Variants in OLFM1 observed in about 807,000 individuals in gnomAD.
OLFM1 encodes noelin.
In OLFM1, 9 loss-of-function variants were observed where a neutral mutation model predicts 49.7. That is an observed-to-expected ratio of 0.18 (90% CI 0.11 to 0.32). The LOEUF (loss-of-function observed/expected upper bound fraction) is 0.32, where lower values mean the gene tolerates loss of function less well. Ranked by LOEUF, OLFM1 falls within the 10% of genes least tolerant of loss-of-function variation. OLFM1 has a pLI of 1.00. For missense variants in OLFM1, 369 were observed against 661.8 expected (o/e 0.56, Z 4.85); for synonymous variants, 240 against 271.8 (o/e 0.88, Z 1.15).
chr9:135,086,433 C>T (rs1311458050), upstream of OLFM1: 4 of 364,656 alleles, frequency 1.1e-5, no homozygotes, highest in Admixed American at 1.1e-4. Flanking sequence ...AGAGAAAAGC[C>T]CCAGGAAGGC....
intron 4 of OLFM1, among the ~76,000 whole-genome samples, chr9:135,105,021 C>CT (rs1475315975): frequency 6.6e-6 from 1 of 152,060 alleles, no homozygotes; most frequent in Non-Finnish European, 1.5e-5. Flanking sequence ...TCTTCTGCTG[C>CT]TTCTCCTCCC....
At chr9:135,077,712 G>T (rs1023415750) in intron 1 of OLFM1, among the ~76,000 whole-genome samples, 4 of 152,220 alleles carry the variant, frequency 2.6e-5, no homozygotes, top group Non-Finnish European at 4.4e-5. Flanking sequence ...TGTCTCAGGG[G>T]AATGTGTCCC....
chr9:135,079,038 C>T (rs1277589572), intron 1 of OLFM1, among the ~76,000 whole-genome samples: 2 of 152,196 alleles, frequency 1.3e-5, no homozygotes, highest in Non-Finnish European at 2.9e-5. Context: ...ACAAGCATTT[C>T]CTGGGTACCA....
chr9:135,087,246 T>C, upstream of OLFM1: 1 of 1,425,622 alleles, frequency 7.0e-7, no homozygotes, highest in Middle Eastern at 2.6e-4. Context: ...CGGCCCAGGC[T>C]GGCTGGGACC....
rs544907602 is a variant in OLFM1, at chr9:135,119,959, C to T, written c.1239C>T (p.Tyr413=). The T allele has an allele frequency of 1.4e-5, 23 of 1,613,668 alleles. 1 individual carries two copies. The highest frequency in any genetic ancestry group is 1.6e-4 in the Middle Eastern group (1 of 6,062). ...GEAFIICGTL[Y]VTNGYSGGTK... ...CCTTCATCATCTGCGGCACGCTGTACGTCACCAACGGCTACTCAGGGGGTA... is the reference window on the plus strand; with the variant it reads ...CCTTCATCATCTGCGGCACGCTGTATGTCACCAACGGCTACTCAGGGGGTA... Residue 413 remains tyrosine (Y), a synonymous_variant, in exon 6 of 6, where the codon TAC becomes TAT. Transcript: ENST00000371793.
At chr9:135,084,435 T>C (rs34318507), upstream of OLFM1, among the ~76,000 whole-genome samples, 1 of 71,686 alleles carries the variant, frequency 1.4e-5, no homozygotes. The surrounding 1 kb of genome is among the most constrained non-coding windows in gnomAD (Gnocchi z 4.6). Flanking sequence ...CTCCTCTCTG[T>C]CTCTATTATC....
At position 135,077,150 on chromosome 9, in the gene OLFM1, GCA is replaced by G. The variant is rs147807021; in HGVS notation, c.96+1365_96+1366del. On this transcript the variant is annotated intron_variant, in intron 1 of 5. Transcript: ENST00000252854. ...GCTGGACAGATGCATTCATTCATGT[GCA>G]CACACACACACACACATGCACACAC... is the stretch of plus-strand genomic sequence containing the variant. 2,283 of 1,390,134 alleles carry G rather than the reference GCA, an allele frequency of 1.6e-3. No individual in the cohort carries two copies. Among genetic ancestry groups the G allele is most frequent in the South Asian group, 6.7e-3 (478 of 71,774 alleles). The allele number at this position is 1,390,134 out of a possible 1,614,324, so 86.1% of individuals were successfully genotyped here. A position where few individuals can be genotyped will look rare whatever the true frequency, so the allele number is the denominator to read the frequency against.
chr9:135,118,133 C>T (rs916280253), intron 5 of OLFM1, among the ~76,000 whole-genome samples: 4 of 152,194 alleles, frequency 2.6e-5, no homozygotes, highest in African/African-American at 4.8e-5. Flanking sequence ...AATTCCAAGT[C>T]GGGGAACAGC....
chr9:135,109,698 G>A (rs1830995629), intron 5 of OLFM1, among the ~76,000 whole-genome samples: 3 of 151,976 alleles, frequency 2.0e-5, no homozygotes. Context: ...ACACACACAG[G>A]AGCCCAATAA....
chr9:135,112,358 ATGTTC>A (rs1357390600), intron 5 of OLFM1, among the ~76,000 whole-genome samples: 1 of 141,664 alleles, frequency 7.1e-6, no homozygotes, highest in African/African-American at 2.7e-5. Context: ...TGTTCCCAGA[ATGTTC>A]TCTCTGGTCT....
At chr9:135,100,595 A>G (rs1285244110) in intron 4 of OLFM1, among the ~76,000 whole-genome samples, 1 of 152,208 alleles carries the variant, frequency 6.6e-6, no homozygotes, top group Non-Finnish European at 1.5e-5. Flanking sequence ...GCCCGTAGCC[A>G]GCACCCAGCT....
chr9:135,096,056 TC>T lies in OLFM1; in HGVS notation c.456+39del, dbSNP rs368557260. 13 of 769,872 alleles carry T rather than the reference TC, an allele frequency of 1.7e-5. No individual in the cohort carries two copies. The African/African-American group carries it at 5.0e-4, about 29-fold the overall frequency. 47.7% of individuals were successfully genotyped at this position (769,872 alleles called of 1,614,324 possible). A position where few individuals can be genotyped will look rare whatever the true frequency, so the allele number is the denominator to read the frequency against. ...CCTCCCCCTCTCCCTCCCCTTATCCTCCTCCTCCTCCTCTTCCTCCTCCTTC... is the reference window on the plus strand; with the variant it reads ...CCTCCCCCTCTCCCTCCCCTTATCCTCTCCTCCTCCTCTTCCTCCTCCTTC... On this transcript the variant is annotated intron_variant, in intron 3 of 5. Coordinates refer to ENST00000371793, the MANE Select transcript of OLFM1 (RefSeq NM_001282611.2).
chr9:135,076,821 G>GA, intron 1 of OLFM1: 1 of 1,546,194 alleles, frequency 6.5e-7, no homozygotes, highest in Non-Finnish European at 8.7e-7. Context: ...GAATAAAAGA[G>GA]AAAACAAAGC....
rs1014915674 is a variant in OLFM1, at chr9:135,098,229, C to T, written c.457-57C>T. ...CACCTAGGGAGAAGCCAGGCCAAGGCAGGGTGTGAGAGTTCTTGCATGCAT... is the reference window on the plus strand; with the variant it reads ...CACCTAGGGAGAAGCCAGGCCAAGGTAGGGTGTGAGAGTTCTTGCATGCAT... On this transcript the variant is annotated intron_variant, in intron 3 of 5. Transcript: ENST00000371793. The surrounding 1 kb of genome is among the most constrained non-coding windows in gnomAD (Gnocchi z 5.6). The T allele has an allele frequency of 6.3e-7, 1 of 1,582,990 alleles. No homozygotes were observed. Among genetic ancestry groups the T allele is most frequent in the Non-Finnish European group, 8.6e-7 (1 of 1,157,460 alleles).
chr9:135,087,161 G>A (rs1168351404), upstream of OLFM1: 2 of 1,298,214 alleles, frequency 1.5e-6, no homozygotes, highest in South Asian at 1.6e-5. Context: ...ATGCCCCGAC[G>A]CCCCCCTGGC....
intron 5 of OLFM1, among the ~76,000 whole-genome samples, chr9:135,110,404 G>A (rs1412563343): frequency 6.6e-6 from 1 of 152,194 alleles, no homozygotes; most frequent in Admixed American, 6.5e-5. Flanking sequence ...GGAAGTTCAT[G>A]TTTGAAGGGG....
chr9:135,090,449 T>C, intron 2 of OLFM1, 105 bp downstream of exon 2: 1 of 1,175,126 alleles, frequency 8.5e-7, no homozygotes, highest in Non-Finnish European at 1.2e-6. Context: ...CTTGGCTAGC[T>C]TGCAGGCCCC....
intron 5 of OLFM1, among the ~76,000 whole-genome samples, chr9:135,115,662 G>A (rs753140577): frequency 3.3e-5 from 5 of 152,176 alleles, no homozygotes; most frequent in Non-Finnish European, 5.9e-5. Context: ...CAAGACAATC[G>A]AACTGTTTCT....
intron 5 of OLFM1, among the ~76,000 whole-genome samples, chr9:135,108,058 C>A (rs1290861757): frequency 6.6e-6 from 1 of 152,188 alleles, no homozygotes; most frequent in African/African-American, 2.4e-5. Flanking sequence ...ATGGGAGTGG[C>A]CCCCGCCCCC....
Sources: allele counts gnomAD v4.1 joint callset (sites outside exome capture counted in the v4.1 genomes callset), GRCh38; gene constraint gnomAD v4.1.1; non-coding constraint Gnocchi (gnomAD v3.1); transcripts MANE v1.5; gene names NCBI Gene and HGNC (gene_info 2026-07-23, HGNC 2026-07-21).